The following SNRNP40 variants were observed in gnomAD, a reference collection of about 807,000 sequenced individuals.
SNRNP40 encodes the protein U5 small nuclear ribonucleoprotein 40 kDa protein.
In SNRNP40, 21 loss-of-function variants were observed where a neutral mutation model predicts 45.8. The ratio of observed to expected loss-of-function variants is 0.46; its 90% confidence interval spans 0.32 to 0.66. The LOEUF (loss-of-function observed/expected upper bound fraction) is 0.66, where lower values mean the gene tolerates loss of function less well. SNRNP40 is among the 30% of genes least tolerant of loss of function. The pLI, the probability that SNRNP40 is intolerant of heterozygous loss-of-function variation, is 0.03. For missense variants in SNRNP40, 344 were observed against 439.1 expected (o/e 0.78, Z 1.94); for synonymous variants, 142 against 163.8 (o/e 0.87, Z 1.01).
intron 5 of SNRNP40, among the ~76,000 whole-genome samples, chr1:31,277,425 G>T (rs1645983424): frequency 6.6e-6 from 1 of 152,064 alleles, no homozygotes; most frequent in African/African-American, 2.4e-5. Flanking sequence ...GTAATTAATT[G>T]TTAATAATGT....
intron 8 of SNRNP40, among the ~76,000 whole-genome samples, chr1:31,267,174 T>A (rs962098274): frequency 1.3e-5 from 2 of 152,066 alleles, no homozygotes; most frequent in South Asian, 4.2e-4. Context: ...GAGGTTAGAA[T>A]ATGAAAATTC....
intron 5 of SNRNP40, among the ~76,000 whole-genome samples, chr1:31,274,682 T>A (rs186227770): frequency 3.6e-4 from 49 of 137,612 alleles, no homozygotes; most frequent in Admixed American, 2.2e-3. Flanking sequence ...TGAACTCCCA[T>A]CCTAACTAGA....
chr1:31,292,442 G>C (rs34563758), intron 2 of SNRNP40, among the ~76,000 whole-genome samples: 19,915 of 152,178 alleles, frequency 0.13, 1,444 homozygotes, highest in Non-Finnish European at 0.15. Flanking sequence ...ATTCATATAT[G>C]TTCTGCAAAG....
intron 5 of SNRNP40, among the ~76,000 whole-genome samples, chr1:31,280,598 AGGTCAAAGTC>A (rs1237726645): frequency 6.6e-6 from 1 of 152,206 alleles, no homozygotes; most frequent in African/African-American, 2.4e-5. Flanking sequence ...GCAGAAGGTA[AGGTCAAAGTC>A]GTTAAGATCC....
rs1203568480 is a variant in SNRNP40, at chr1:31,266,989, A to G, written c.920+882T>C. 1.1e-4 allele frequency among the ~76,000 whole-genome samples: 17 copies of G among 152,226 alleles called. 1 individual carries two copies. The highest frequency in any genetic ancestry group is 2.5e-4 in the Non-Finnish European group (17 of 68,042). ...TGTAATAAATGCTACCAAAGTTTAG[A>G]TGTATGAAATGGGATTACAGCACAA... On this transcript the variant is annotated intron_variant, in intron 8 of 9. Coordinates refer to ENST00000263694, the MANE Select transcript of SNRNP40 (RefSeq NM_004814.3).
chr1:31,269,015 T>C, intron 7 of SNRNP40, 143 bp downstream of exon 7: 1 of 728,164 alleles, frequency 1.4e-6, no homozygotes, highest in Non-Finnish European at 2.1e-6. Flanking sequence ...CGTTTTATTT[T>C]TGGCAACAAG....
In SNRNP40 at chr1:31,271,408, TA is replaced by T. The variant is rs1415157649; in HGVS notation, c.745del (p.Tyr249IlefsTer26). 1 of 1,614,004 alleles carries T rather than the reference TA, an allele frequency of 6.2e-7. No individual in the cohort carries two copies. The highest frequency in any genetic ancestry group is 8.5e-7 in the Non-Finnish European group (1 of 1,179,968). ...TGLSLSSEGS[Y>X]LLSNAMDNTV... The stretch of plus-strand genomic sequence containing the variant: ...ATTGTCCATTGCATTGGACAAAAGA[TA>T]AGAGCCTTCAGAACTTAAACTCAGG... On this transcript the variant is annotated frameshift_variant, in exon 6 of 10. Transcript: ENST00000263694. LOFTEE classifies it high-confidence loss of function.
chr1:31,281,793 C>T (rs1646018248), intron 4 of SNRNP40: 1 of 209,454 alleles, frequency 4.8e-6, no homozygotes, highest in Non-Finnish European at 9.6e-6. Flanking sequence ...CTACTTAGTT[C>T]ATATATTTTT....
chr1:31,291,288 C>A (rs866686620), intron 3 of SNRNP40, among the ~76,000 whole-genome samples: 413 of 128,580 alleles, frequency 3.2e-3, no homozygotes, highest in Non-Finnish European at 4.5e-3. Flanking sequence ...AATTCCGTCT[C>A]AAAAAAAAAA....
At chr1:31,289,574 A>G (rs368690298) in intron 3 of SNRNP40, among the ~76,000 whole-genome samples, 155 bp from the exon 4 acceptor site, 3 of 152,322 alleles carry the variant, frequency 2.0e-5, no homozygotes, top group African/African-American at 7.2e-5. Flanking sequence ...TCACCCTACC[A>G]AAATCCTATT....
chr1:31,279,042 C>G (rs74065824), intron 5 of SNRNP40, among the ~76,000 whole-genome samples: 1 of 97,904 alleles, frequency 1.0e-5, no homozygotes, highest in Admixed American at 1.0e-4. Context: ...AAAACACATA[C>G]AAAAAACAAA....
intron 8 of SNRNP40, among the ~76,000 whole-genome samples, chr1:31,266,685 C>T (rs994107923): frequency 3.3e-5 from 5 of 152,350 alleles, no homozygotes; most frequent in Middle Eastern, 3.4e-3. Flanking sequence ...TTACACCCTG[C>T]ACCTAGCAAT....
intron 5 of SNRNP40, among the ~76,000 whole-genome samples, chr1:31,280,161 T>G (rs1646005584): frequency 7.4e-6 from 1 of 135,132 alleles, no homozygotes; most frequent in Non-Finnish European, 1.6e-5. Flanking sequence ...AAAGCAAGGA[T>G]ATTCCTTTCT....
rs755330376 is a variant in SNRNP40, at chr1:31,271,420, G to C, written c.734C>G (p.Ser245Cys). ...ADSVTGLSLSSEGSYLLSNAM... is the reference protein window; with the variant it reads ...ADSVTGLSLSCEGSYLLSNAM... ...ATTGGACAAAAGATAAGAGCCTTCA[G>C]AACTTAAACTCAGGCCAGTCACTGA... is the stretch of plus-strand genomic sequence containing the variant. The change falls in exon 6 of 10, where the codon TCT becomes TGT. Residue 245 changes from serine to cysteine, a missense_variant. By Grantham distance (112) the Ser-to-Cys change is moderately radical (BLOSUM62 -1). This residue lies in a region of SNRNP40 where 254 missense variants were observed against 380.2 expected (regional missense o/e 0.67). Transcript: ENST00000263694. 12 of 1,613,970 alleles carry C rather than the reference G, an allele frequency of 7.4e-6. No individual in the cohort carries two copies. In the South Asian group the frequency reaches 1.3e-4, roughly 18 times the overall value.
chr1:31,284,674 C>G (rs571765260), intron 4 of SNRNP40, among the ~76,000 whole-genome samples: 1 of 152,292 alleles, frequency 6.6e-6, no homozygotes, highest in African/African-American at 2.4e-5. Context: ...AGGAATCAGC[C>G]ATGGAACTTT....
Position 31,277,210 on chromosome 1 carries a change from C to T in SNRNP40, c.654+4164G>A, listed in dbSNP as rs1028021462. On this transcript the variant is annotated intron_variant, in intron 5 of 9. Coordinates refer to ENST00000263694, the MANE Select transcript of SNRNP40 (RefSeq NM_004814.3). ...CTCTCTCTTGAAAAAAGAAAAAAAG[C>T]ATCATCTAAAGAATGAATATTATAA... 3.9e-5 allele frequency among the ~76,000 whole-genome samples: 6 copies of T among 152,136 alleles called. No individual in the cohort carries two copies. In the East Asian group the frequency reaches 1.2e-3, roughly 29 times the overall value.
At chr1:31,293,914 T>C (rs966303246) in intron 1 of SNRNP40, among the ~76,000 whole-genome samples, 2 of 152,112 alleles carry the variant, frequency 1.3e-5, no homozygotes, top group African/African-American at 2.4e-5. Context: ...CCAACAACTC[T>C]GCTTGGTATG....
At chr1:31,276,889 T>C (rs7544946) in intron 5 of SNRNP40, among the ~76,000 whole-genome samples, 83,628 of 151,426 alleles carry the variant, frequency 0.55, 23,742 homozygotes, top group Non-Finnish European at 0.63. Flanking sequence ...AAAATATTAG[T>C]GGGACGTGGT....
chr1:31,272,863 C>T (rs1569644457), intron 5 of SNRNP40, among the ~76,000 whole-genome samples: 1 of 152,116 alleles, frequency 6.6e-6, no homozygotes, highest in East Asian at 1.9e-4. Flanking sequence ...GCAAAAAGAA[C>T]AGTAATTTTG....
Sources: gnomAD v4.1 joint callset for allele counts (sites outside exome capture counted in the v4.1 genomes callset) on GRCh38, gnomAD v4.1.1 for gene constraint, gnomAD v4.1.1 regional missense constraint, MANE v1.5 for transcripts, NCBI Gene and HGNC (gene_info 2026-07-23, HGNC 2026-07-21) for gene names.